The following CHODL variants were observed in gnomAD, a reference collection of about 807,000 sequenced individuals.
CHODL encodes the protein chondrolectin, also known as transmembrane protein MT75.
A neutral mutation model predicts 34.5 loss-of-function variants in CHODL; 29 were observed. That is an observed-to-expected ratio of 0.84 (90% CI 0.63 to 1.15). CHODL has a LOEUF of 1.15. CHODL is among the 50% of genes most tolerant of loss of function. CHODL has a pLI of 0.00. For missense variants in CHODL, 332 were observed against 332.5 expected (o/e 1.00, Z 0.01); for synonymous variants, 125 against 116.1 (o/e 1.08, Z -0.49).
At chr21:17,990,766 A>T (rs1250473714) in intron 1 of CHODL, among the ~76,000 whole-genome samples, 1 of 152,146 alleles carries the variant, frequency 6.6e-6, no homozygotes, top group Admixed American at 6.5e-5. Context: ...TAATAATCAA[A>T]TCAGTAATTA....
At chr21:18,175,356 G>T (rs1252867053) in intron 2 of CHODL, among the ~76,000 whole-genome samples, 2 of 152,186 alleles carry the variant, frequency 1.3e-5, no homozygotes, top group South Asian at 4.1e-4. Flanking sequence ...CACTTTGGGA[G>T]ACCAAGGTGG....
chr21:17,997,050 A>G (rs1254313897), intron 1 of CHODL, among the ~76,000 whole-genome samples: 1 of 152,208 alleles, frequency 6.6e-6, no homozygotes, highest in East Asian at 1.9e-4. Context: ...TCACCAGAAC[A>G]TTGAACAAAT....
chr21:18,249,484 A>G (rs996781519), intron 1 of CHODL, among the ~76,000 whole-genome samples: 2 of 152,120 alleles, frequency 1.3e-5, no homozygotes, highest in African/African-American at 2.4e-5. Flanking sequence ...AAATATTTGT[A>G]ACAGAAAATC....
intron 1 of CHODL, among the ~76,000 whole-genome samples, chr21:18,016,216 A>G (rs1429309459): frequency 1.3e-5 from 2 of 152,240 alleles, no homozygotes; most frequent in African/African-American, 4.8e-5. Context: ...GGCCAGATCC[A>G]GGGCCTTGCT....
At chr21:18,021,615 T>C (rs1004544267) in intron 1 of CHODL, among the ~76,000 whole-genome samples, 1 of 152,248 alleles carries the variant, frequency 6.6e-6, no homozygotes, top group African/African-American at 2.4e-5. Flanking sequence ...AGTATCTTAA[T>C]ATATATTTTA....
intron 1 of CHODL, among the ~76,000 whole-genome samples, chr21:18,253,812 T>C (rs2074284992): frequency 6.6e-6 from 1 of 152,110 alleles, no homozygotes; most frequent in East Asian, 1.9e-4. Context: ...TCATTAACAA[T>C]TTGGGCAGCC....
intron 2 of CHODL, among the ~76,000 whole-genome samples, chr21:18,028,277 C>CTTCCTTCCTTCCTT (rs377144650): frequency 4.0e-5 from 4 of 98,934 alleles, no homozygotes; most frequent in South Asian, 4.3e-4. Context: ...TTTCCTTTTC[C>CTTCCTTCCTTCCTT]CCTTCCTTCC....
rs542052011 is a variant in CHODL at position 18,211,632 on chromosome 21, T to C, written c.-44-44877T>C. 1.1e-4 allele frequency among the ~76,000 whole-genome samples: 16 copies of C among 152,346 alleles called. No individual in the cohort carries two copies. In the South Asian group the frequency reaches 3.3e-3, roughly 32 times the overall value. On this transcript the variant is annotated intron_variant, in intron 2 of 6. Coordinates refer to the CHODL transcript ENST00000400127. ...TTGCCAACCATATTGGCCATTACTA[T>C]CTTTCACATTTACTTTACTTTTTTT...
chr21:18,101,962 G>A (rs1048853737), intron 2 of CHODL, among the ~76,000 whole-genome samples: 13 of 152,062 alleles, frequency 8.5e-5, no homozygotes, highest in Admixed American at 7.9e-4. Flanking sequence ...AAAATTTAAG[G>A]AGAAAATTTT....
At chr21:17,976,902 G>A (rs2063667603) in intron 1 of CHODL, among the ~76,000 whole-genome samples, 1 of 152,090 alleles carries the variant, frequency 6.6e-6, no homozygotes, top group Admixed American at 6.6e-5. Flanking sequence ...TCTATGGGAT[G>A]GTTCTTGGAA....
intron 2 of CHODL, among the ~76,000 whole-genome samples, chr21:18,038,211 TGAAATGCTA>T (rs952190930): frequency 6.6e-5 from 10 of 151,892 alleles, no homozygotes; most frequent in Admixed American, 5.9e-4. Flanking sequence ...GGAAGAAATT[TGAAATGCTA>T]AATTGTGCAT....
At chr21:18,249,098 T>TAATAAA (rs1300837209) in intron 1 of CHODL, among the ~76,000 whole-genome samples, 4 of 125,894 alleles carry the variant, frequency 3.2e-5, no homozygotes, top group African/African-American at 1.3e-4. Context: ...AAAATATATA[T>TAATAAA]ATATAATAAT....
intron 1 of CHODL, chr21:18,246,060 T>G: frequency 1.2e-6 from 1 of 827,398 alleles, no homozygotes; most frequent in East Asian, 2.6e-5. Context: ...TTTCTTTTTT[T>G]GACTCTCACT....
At chr21:18,097,843 C>G (rs940656032) in intron 2 of CHODL, among the ~76,000 whole-genome samples, 7 of 152,052 alleles carry the variant, frequency 4.6e-5, no homozygotes, top group Non-Finnish European at 8.8e-5. Context: ...AAGAGTAAAA[C>G]AGCATGGTAC....
chr21:17,993,894 A>G (rs1486379918), intron 1 of CHODL, among the ~76,000 whole-genome samples: 1 of 152,182 alleles, frequency 6.6e-6, no homozygotes, highest in South Asian at 2.1e-4. Context: ...ATTTGTTAGC[A>G]TATAGCTTTT....
At chr21:18,027,622 T>C (rs114003413) in intron 1 of CHODL, among the ~76,000 whole-genome samples, 2,287 of 152,276 alleles carry the variant, frequency 0.015, 54 homozygotes, top group African/African-American at 0.052. Context: ...CTCTGTTCTT[T>C]TTAGCTTGCT....
chr21:18,248,264 TTAATACAATATGATA>T (rs2146786844), intron 1 of CHODL, among the ~76,000 whole-genome samples: 1 of 151,808 alleles, frequency 6.6e-6, no homozygotes, highest in Non-Finnish European at 1.5e-5. Flanking sequence ...AGCACATACA[TTAATACAATATGATA>T]TAATATATAC....
At chr21:18,223,446 G>A (rs956553544) in intron 2 of CHODL, among the ~76,000 whole-genome samples, 2 of 152,136 alleles carry the variant, frequency 1.3e-5, no homozygotes, top group Non-Finnish European at 2.9e-5. Context: ...CATGAAATTC[G>A]AGACTTACGA....
intron 2 of CHODL, among the ~76,000 whole-genome samples, chr21:18,047,370 G>C (rs2064457045): frequency 6.6e-6 from 1 of 151,898 alleles, no homozygotes. Flanking sequence ...GAGTGCAGAG[G>C]CCACAGCTTT....
Sources: allele counts gnomAD v4.1 joint callset (sites outside exome capture counted in the v4.1 genomes callset), GRCh38; gene constraint gnomAD v4.1.1; transcripts MANE v1.5; gene names NCBI Gene and HGNC (gene_info 2026-07-23, HGNC 2026-07-21).